RYR2: variants seen among roughly 807,000 people sequenced by gnomAD.
RYR2 encodes cardiac muscle ryanodine receptor-calcium release channel.
Under a neutral mutation model 601.1 loss-of-function variants are expected in RYR2, and 227 were observed. The observed-to-expected ratio is 0.38, with a 90% CI of 0.34 to 0.42. The LOEUF is 0.42. RYR2 is among the 10% of genes least tolerant of loss of function. RYR2 has a pLI of 1.00. For synonymous variants in RYR2, 2,223 were observed against 2,175.1 expected, an observed-to-expected ratio of 1.02 and a Z score of -0.61; for missense variants, 4,646 against 6,156.5, an observed-to-expected ratio of 0.75 and a Z score of 8.21.
intron 1 of RYR2, among the ~76,000 whole-genome samples, chr1:237,156,936 G>A (rs1432427322): frequency 6.6e-6 from 1 of 152,156 alleles, no homozygotes; most frequent in African/African-American, 2.4e-5. Flanking sequence ...CACTGTTGGT[G>A]GCAGTGTAAA....
At chr1:237,680,842 G>A (rs1008462684) in intron 62 of RYR2, among the ~76,000 whole-genome samples, 1 of 152,218 alleles carries the variant, frequency 6.6e-6, no homozygotes, top group Admixed American at 6.5e-5. Flanking sequence ...TCTACACATA[G>A]AGGCCGGATA....
chr1:237,114,033 C>T (rs185322590), intron 1 of RYR2, among the ~76,000 whole-genome samples: 211 of 152,240 alleles, frequency 1.4e-3, no homozygotes, highest in African/African-American at 4.8e-3. Context: ...GTCACCTGGG[C>T]ATTTCTTTAG....
intron 17 of RYR2, among the ~76,000 whole-genome samples, chr1:237,473,462 T>TTTCTTTCTTTCTTTCTTTCTTC (rs1558878561): frequency 3.2e-5 from 4 of 125,156 alleles, no homozygotes; most frequent in Admixed American, 8.5e-5. Flanking sequence ...TCTTTCTTTC[T>TTTCTTTCTTTCTTTCTTTCTTC]ATCTATCTAT....
rs531300072 is a variant in RYR2, at chr1:237,275,188, T to C, written c.168+4572T>C. On this transcript the variant is annotated intron_variant, in intron 2 of 104. Transcript: ENST00000366574. ...AAATAAAAATGAAATTATATATTTA[T>C]AGTATTTTTTAATTAAAATATGCAT... Among the ~76,000 whole-genome samples the C allele has an allele frequency of 7.9e-5, 12 of 152,048 alleles. No individual in the cohort carries two copies. In the East Asian group the frequency reaches 2.3e-3, roughly 29 times the overall value.
intron 17 of RYR2, among the ~76,000 whole-genome samples, chr1:237,471,872 T>C (rs935003299): frequency 4.6e-5 from 7 of 151,750 alleles, no homozygotes; most frequent in African/African-American, 1.7e-4. Flanking sequence ...CCTTAGAGTA[T>C]ATTTAATCTA....
chr1:237,189,733 A>C lies in RYR2; in HGVS notation c.49-80764A>C, dbSNP rs192946075. On this transcript the variant is annotated intron_variant, in intron 1 of 104. Coordinates refer to ENST00000366574, the MANE Select transcript of RYR2 (RefSeq NM_001035.3). ...GTGAGGTCTCTAATTGTGAAAAATA[A>C]ATGTGTGTTGTGTGTAAGCCGCCCA... 3.9e-5 allele frequency among the ~76,000 whole-genome samples: 6 copies of C among 152,286 alleles called. No homozygotes were observed. In the East Asian group the frequency reaches 1.2e-3, roughly 29 times the overall value.
chr1:237,233,529 C>T (rs768293715), intron 1 of RYR2, among the ~76,000 whole-genome samples: 16 of 151,830 alleles, frequency 1.1e-4, no homozygotes, highest in Non-Finnish European at 2.2e-4. Flanking sequence ...ACTTTTTATA[C>T]TCTGTTTTTC....
chr1:237,685,095 A>G (rs562242041), intron 62 of RYR2, among the ~76,000 whole-genome samples: 1 of 152,318 alleles, frequency 6.6e-6, no homozygotes, highest in East Asian at 1.9e-4. Context: ...TTTTAGTACA[A>G]GACAATGAGT....
chr1:237,357,033 A>T (rs1253117730), intron 4 of RYR2, among the ~76,000 whole-genome samples: 1 of 150,604 alleles, frequency 6.6e-6, no homozygotes, highest in Non-Finnish European at 1.5e-5. Context: ...TTTTCCAACA[A>T]TTTCATGTTC....
At chr1:237,179,411 C>G (rs918884364) in intron 1 of RYR2, among the ~76,000 whole-genome samples, 3 of 151,688 alleles carry the variant, frequency 2.0e-5, no homozygotes, top group Non-Finnish European at 1.5e-5. Context: ...TGGGATCACC[C>G]CAGGAAATGC....
chr1:237,530,824 C>T (rs574223613), intron 25 of RYR2, among the ~76,000 whole-genome samples: 150 of 151,918 alleles, frequency 9.9e-4, no homozygotes, highest in African/African-American at 3.5e-3. Flanking sequence ...ACAGGAGAAT[C>T]GCTTGAACTT....
intron 3 of RYR2, among the ~76,000 whole-genome samples, chr1:237,346,151 A>T (rs1356847003): frequency 6.6e-6 from 1 of 152,018 alleles, no homozygotes; most frequent in Non-Finnish European, 1.5e-5. Context: ...AGATCACTTG[A>T]GCCCAGGAGT....
intron 2 of RYR2, among the ~76,000 whole-genome samples, chr1:237,300,924 G>A (rs144127873): frequency 4.6e-5 from 7 of 151,916 alleles, no homozygotes; most frequent in African/African-American, 1.7e-4. Flanking sequence ...TACAATAATC[G>A]AAGTGAATTT....
chr1:237,458,037 C>T (rs908273106), intron 16 of RYR2, among the ~76,000 whole-genome samples: 1 of 152,174 alleles, frequency 6.6e-6, no homozygotes, highest in African/African-American at 2.4e-5. Context: ...GTTTCCTGAA[C>T]TTTCCATACA....
intron 1 of RYR2, among the ~76,000 whole-genome samples, chr1:237,101,909 C>T (rs950471070): frequency 1.3e-5 from 2 of 152,190 alleles, no homozygotes; most frequent in African/African-American, 4.8e-5. Context: ...ATTATTCCTA[C>T]GTTTATGATT....
intron 1 of RYR2, among the ~76,000 whole-genome samples, chr1:237,109,167 T>C (rs553708530): frequency 6.6e-6 from 1 of 151,664 alleles, no homozygotes; most frequent in East Asian, 1.9e-4. Context: ...ATATATAAAA[T>C]ACATATATAC....
chr1:237,559,945 C>A (rs1671286822), intron 27 of RYR2, among the ~76,000 whole-genome samples: 1 of 152,202 alleles, frequency 6.6e-6, no homozygotes, highest in African/African-American at 2.4e-5. Flanking sequence ...AGGACAGAGA[C>A]TTCTTTAAAT....
intron 1 of RYR2, among the ~76,000 whole-genome samples, chr1:237,108,822 G>A (rs532224099): frequency 1.1e-4 from 16 of 152,326 alleles, no homozygotes; most frequent in East Asian, 1.9e-4. Context: ...TTCCACCAGC[G>A]TTCCAGTTTT....
intron 60 of RYR2, 21 bp from the exon 61 acceptor site, chr1:237,678,027 A>G: frequency 6.5e-7 from 1 of 1,527,472 alleles, no homozygotes; most frequent in Non-Finnish European, 9.1e-7. Flanking sequence ...GCATTTACCT[A>G]AAAACTCTTC....
Sources: allele counts gnomAD v4.1 joint callset (sites outside exome capture counted in the v4.1 genomes callset), GRCh38; gene constraint gnomAD v4.1.1; transcripts MANE v1.5; gene names NCBI Gene and HGNC (gene_info 2026-07-23, HGNC 2026-07-21).